SLC39A11: variants seen among roughly 807,000 people sequenced by gnomAD.
SLC39A11 encodes the protein solute carrier family 39 member 11.
SLC39A11 carries 33 observed loss-of-function variants against 36.1 expected under a neutral mutation model. The observed-to-expected ratio is 0.91, with a 90% CI of 0.69 to 1.22. SLC39A11 has a LOEUF of 1.22. Ranked by LOEUF, SLC39A11 falls within the 50% of genes most tolerant of loss-of-function variation. The pLI is 0.00. For missense variants in SLC39A11, 432 were observed against 430.3 expected, an observed-to-expected ratio of 1.00 and a Z score of -0.03; for synonymous variants, 166 against 170.3, an observed-to-expected ratio of 0.97 and a Z score of 0.20.
rs912433704 is a variant in SLC39A11 at position 72,844,992 on chromosome 17, T to C, written c.601+4642A>G. Among the ~76,000 whole-genome samples, 4 of 152,132 alleles carry C rather than the reference T, an allele frequency of 2.6e-5. No homozygotes were observed. In the East Asian group the frequency reaches 5.8e-4, roughly 22 times the overall value. ...ACATCCAATCCATCGGCAAATCCCATTGGCTCCACCTTCAATCGGGACCCA... is the reference window on the plus strand; with the variant it reads ...ACATCCAATCCATCGGCAAATCCCACTGGCTCCACCTTCAATCGGGACCCA... On this transcript the variant is annotated intron_variant, in intron 6 of 9. Coordinates refer to ENST00000255559, the MANE Select transcript of SLC39A11 (RefSeq NM_139177.4).
chr17:73,078,497 T>TG (rs1327097621), intron 3 of SLC39A11, among the ~76,000 whole-genome samples: 55 of 150,298 alleles, frequency 3.7e-4, no homozygotes, highest in South Asian at 1.9e-3. Context: ...TTTTTGTTGT[T>TG]TTTTTTTTTG....
chr17:73,005,943 T>TGGGCAA (rs1568109870), intron 4 of SLC39A11, among the ~76,000 whole-genome samples: 2 of 152,036 alleles, frequency 1.3e-5, no homozygotes, highest in African/African-American at 2.4e-5. Flanking sequence ...AGAGCAAGAC[T>TGGGCAA]CCGACTCAAA....
At chr17:73,023,136 G>GT (rs1261224719) in intron 4 of SLC39A11, among the ~76,000 whole-genome samples, 1 of 152,056 alleles carries the variant, frequency 6.6e-6, no homozygotes, top group African/African-American at 2.4e-5. Context: ...CACTGTTCCA[G>GT]TGTCAGGGAA....
intron 5 of SLC39A11, among the ~76,000 whole-genome samples, chr17:72,917,317 G>A (rs2083386930): frequency 6.6e-6 from 1 of 152,238 alleles, no homozygotes; most frequent in African/African-American, 2.4e-5. Flanking sequence ...CTGTGTCTGG[G>A]CTGTGGATTC....
chr17:72,801,065 A>C, intron 6 of SLC39A11, among the ~76,000 whole-genome samples: 1 of 152,226 alleles, frequency 6.6e-6, no homozygotes, highest in African/African-American at 2.4e-5. Flanking sequence ...AAAAGCCCAC[A>C]GACGACATGA....
At chr17:72,765,723 G>A (rs2075736896) in intron 6 of SLC39A11, among the ~76,000 whole-genome samples, 3 of 152,184 alleles carry the variant, frequency 2.0e-5, no homozygotes, top group East Asian at 3.9e-4. Flanking sequence ...GGTCAATGGC[G>A]AGGTGGCTAT....
chr17:72,993,119 C>A (rs1302579457), intron 4 of SLC39A11, among the ~76,000 whole-genome samples: 1 of 152,086 alleles, frequency 6.6e-6, no homozygotes, highest in Non-Finnish European at 1.5e-5. Context: ...GTGGGAGCCA[C>A]AATTCAAGAT....
rs1598557003 is a variant in SLC39A11 at position 72,951,197 on chromosome 17, G to C, written c.307-3322C>G. Reference sequence around the variant, plus strand: ...GGACTGCTTAAGCCCAGGAAGGCGAGGCTGCAGTGGGCCAAGATCACACTA... The same window carrying C: ...GGACTGCTTAAGCCCAGGAAGGCGACGCTGCAGTGGGCCAAGATCACACTA... On this transcript the variant is annotated intron_variant, in intron 4 of 9. Transcript: ENST00000255559. Among the ~76,000 whole-genome samples the C allele has an allele frequency of 3.3e-5, 5 of 151,142 alleles. No individual in the cohort carries two copies. The South Asian group carries it at 1.1e-3, about 32-fold the overall frequency.
intron 7 of SLC39A11, among the ~76,000 whole-genome samples, chr17:72,661,865 G>A (rs1243116078): frequency 2.6e-5 from 4 of 152,180 alleles, no homozygotes; most frequent in African/African-American, 7.2e-5. Context: ...GAAGTCAGCC[G>A]GAAGGCAGGG....
chr17:73,063,957 A>AT (rs2059922077), intron 3 of SLC39A11, among the ~76,000 whole-genome samples: 4 of 152,202 alleles, frequency 2.6e-5, no homozygotes, highest in Non-Finnish European at 5.9e-5. Flanking sequence ...TATGCATTTA[A>AT]CAGGTATCTA....
intron 6 of SLC39A11, among the ~76,000 whole-genome samples, chr17:72,760,382 T>C (rs1262549066): frequency 6.6e-6 from 1 of 152,210 alleles, no homozygotes; most frequent in Non-Finnish European, 1.5e-5. Flanking sequence ...AAGAAAACCA[T>C]CTGCTTCCTG....
chr17:72,796,394 G>A (rs534937657), intron 6 of SLC39A11, among the ~76,000 whole-genome samples: 2 of 152,214 alleles, frequency 1.3e-5, no homozygotes, highest in Non-Finnish European at 2.9e-5. Flanking sequence ...ATATGCATGA[G>A]AAGGAGGGCT....
intron 7 of SLC39A11, among the ~76,000 whole-genome samples, chr17:72,669,879 CACGTATAGATGTATATACACATATATAT>C (rs1237626210): frequency 2.0e-5 from 3 of 150,772 alleles, no homozygotes; most frequent in Non-Finnish European, 4.4e-5. Flanking sequence ...TATACATATA[CACGTATAGATGTATATACACATATATAT>C]ACGTATAGAT....
At chr17:72,722,935 T>C (rs1490993372) in intron 7 of SLC39A11, among the ~76,000 whole-genome samples, 4 of 152,066 alleles carry the variant, frequency 2.6e-5, no homozygotes, top group Non-Finnish European at 4.4e-5. Context: ...TGCACCTGGC[T>C]GCACTTTCTA....
intron 5 of SLC39A11, among the ~76,000 whole-genome samples, chr17:72,867,539 C>T (rs189553488): frequency 7.3e-4 from 111 of 151,862 alleles, no homozygotes; most frequent in African/African-American, 2.5e-3. Context: ...GAGACACAGA[C>T]AAGATACTGA....
intron 3 of SLC39A11, among the ~76,000 whole-genome samples, chr17:73,078,216 T>C (rs887639319): frequency 7.0e-4 from 100 of 142,338 alleles, no homozygotes; most frequent in African/African-American, 2.5e-3. Flanking sequence ...CCAGCCTAGG[T>C]GACAGAGCAA....
intron 5 of SLC39A11, among the ~76,000 whole-genome samples, chr17:72,908,640 G>A (rs977577492): frequency 2.6e-5 from 4 of 152,206 alleles, no homozygotes; most frequent in African/African-American, 9.6e-5. Context: ...CCCATGGGGT[G>A]ACCACCAGTC....
intron 6 of SLC39A11, among the ~76,000 whole-genome samples, chr17:72,829,020 G>A (rs1450212556): frequency 6.6e-6 from 1 of 152,182 alleles, no homozygotes; most frequent in African/African-American, 2.4e-5. Context: ...GTAACACAGT[G>A]CAGAGCAGAT....
intron 6 of SLC39A11, among the ~76,000 whole-genome samples, chr17:72,815,218 C>T (rs1391739294): frequency 6.6e-6 from 1 of 152,212 alleles, no homozygotes; most frequent in Non-Finnish European, 1.5e-5. Flanking sequence ...TCTATGGAAT[C>T]ACCCAGGGGA....
Sources: allele counts gnomAD v4.1 joint callset (sites outside exome capture counted in the v4.1 genomes callset), GRCh38; gene constraint gnomAD v4.1.1; transcripts MANE v1.5; gene names NCBI Gene and HGNC (gene_info 2026-07-23, HGNC 2026-07-21).